TCF4: variants seen among roughly 807,000 people sequenced by gnomAD.
The protein encoded by TCF4 is SL3-3 enhancer factor 2.
Under a neutral mutation model 82.1 loss-of-function variants are expected in TCF4, and 3 were observed. The ratio of observed to expected loss-of-function variants is 0.04; its 90% CI spans 0.02 to 0.09. TCF4 has a LOEUF of 0.09. Among genes scored for constraint, TCF4 ranks in the 10% least tolerant of loss-of-function variants. TCF4 has a pLI of 1.00. For synonymous variants in TCF4, 276 were observed against 309.6 expected (o/e 0.89, Z 1.14); for missense variants, 518 against 852.7 (o/e 0.61, Z 4.89).
At chr18:55,312,027 AAG>A in intron 8 of TCF4, among the ~76,000 whole-genome samples, 1 of 152,314 alleles carries the variant, frequency 6.6e-6, no homozygotes. Flanking sequence ...GGACTGGCCA[AAG>A]AGTTTAATCT....
At chr18:55,234,862 C>CAA (rs992872879) in intron 15 of TCF4, among the ~76,000 whole-genome samples, 179 bp from the exon 16 acceptor site, 3 of 152,198 alleles carry the variant, frequency 2.0e-5, no homozygotes, top group African/African-American at 7.2e-5. Flanking sequence ...AAACACTTAA[C>CAA]ACTCAGTAAG....
At chr18:55,257,232 A>G (rs1438587999) in intron 14 of TCF4, 83 bp downstream of exon 14, 1 of 1,437,372 alleles carries the variant, frequency 7.0e-7, no homozygotes, top group Admixed American at 1.7e-5. Context: ...GGGAAAATCA[A>G]AATCTTGGAG....
At chr18:55,505,782 C>A (rs1243740531) in intron 3 of TCF4, among the ~76,000 whole-genome samples, 2 of 129,276 alleles carry the variant, frequency 1.5e-5, no homozygotes, top group Admixed American at 9.0e-5. Context: ...CCAGCCTGGG[C>A]CACAGAGCGA....
rs3838896 is a variant in TCF4, at chr18:55,369,913, T to TTGTG, written c.370-18914_370-18911dup. On this transcript the variant is annotated intron_variant, in intron 6 of 19. Coordinates refer to ENST00000354452, the MANE Select transcript of TCF4 (RefSeq NM_001083962.2). ...TAAAAAGTGAACATCAGAGTTTTAT[T>TTGTG]TGTGTGTGTGTGTGTGTGTGTGTTT... Among the ~76,000 whole-genome samples the TTGTG allele has an allele frequency of 6.8e-3, 1,025 of 150,820 alleles. 8 individuals carry two copies. The highest frequency in any genetic ancestry group is 0.021 in the African/African-American group (880 of 41,162).
chr18:55,420,637 G>A (rs1403915647), intron 5 of TCF4, among the ~76,000 whole-genome samples: 2 of 152,142 alleles, frequency 1.3e-5, no homozygotes, highest in African/African-American at 4.8e-5. Flanking sequence ...TTGGTGGGAG[G>A]AGAAAACTAA....
At chr18:55,443,041 G>C (rs1338926480) in intron 5 of TCF4, among the ~76,000 whole-genome samples, 1 of 152,248 alleles carries the variant, frequency 6.6e-6, no homozygotes, top group African/African-American at 2.4e-5. Flanking sequence ...TAGCTGCAAA[G>C]TGTGCTGATG....
intron 3 of TCF4, among the ~76,000 whole-genome samples, chr18:55,524,135 C>T (rs770149355): frequency 1.4e-4 from 22 of 151,874 alleles, no homozygotes; most frequent in Non-Finnish European, 2.8e-4. Context: ...TTCCTGATAT[C>T]GGATTGAGTA....
chr18:55,294,698 A>G (rs2066043589), intron 8 of TCF4, among the ~76,000 whole-genome samples: 1 of 152,226 alleles, frequency 6.6e-6, no homozygotes, highest in African/African-American at 2.4e-5. Flanking sequence ...GAATTTCTCA[A>G]GAAACTCATC....
intron 5 of TCF4, among the ~76,000 whole-genome samples, chr18:55,448,490 A>G (rs919857826): frequency 2.6e-5 from 4 of 152,246 alleles, no homozygotes; most frequent in Admixed American, 2.6e-4. Flanking sequence ...TAAATGGCCT[A>G]GCAAATGCAA....
chr18:55,333,145 T>C (rs963244528), intron 8 of TCF4, among the ~76,000 whole-genome samples: 6 of 152,312 alleles, frequency 3.9e-5, no homozygotes, highest in African/African-American at 1.4e-4. Context: ...CTTTTTTTCT[T>C]AAGGTTTCCT....
intron 8 of TCF4, among the ~76,000 whole-genome samples, chr18:55,318,521 T>C (rs1602457740): frequency 6.6e-6 from 1 of 152,268 alleles, no homozygotes; most frequent in East Asian, 1.9e-4. Flanking sequence ...TCACAAAAAT[T>C]ATTTTATCAA....
chr18:55,534,435 A>T (rs988035412), intron 3 of TCF4, among the ~76,000 whole-genome samples: 1 of 152,236 alleles, frequency 6.6e-6, no homozygotes, highest in Non-Finnish European at 1.5e-5. Context: ...CACATAAGTG[A>T]GGGATGGTAG....
chr18:55,385,412 C>CT (rs1232567219), intron 6 of TCF4, among the ~76,000 whole-genome samples: 1 of 152,132 alleles, frequency 6.6e-6, no homozygotes, highest in African/African-American at 2.4e-5. Context: ...CATAAAATAA[C>CT]TTTTTTTGTT....
At chr18:55,524,031 C>T (rs536901940) in intron 3 of TCF4, among the ~76,000 whole-genome samples, 60 of 152,108 alleles carry the variant, frequency 3.9e-4, no homozygotes, top group Non-Finnish European at 6.9e-4. Flanking sequence ...TCAATCTTTC[C>T]AACATGCAGA....
chr18:55,318,059 C>T (rs186806253), intron 8 of TCF4, among the ~76,000 whole-genome samples: 59 of 152,200 alleles, frequency 3.9e-4, no homozygotes, highest in African/African-American at 1.3e-3. Context: ...TTTCTCTCTA[C>T]GGTTTAACAC....
At chr18:55,615,204 T>C (rs1233374178) in intron 2 of TCF4, among the ~76,000 whole-genome samples, 2 of 152,160 alleles carry the variant, frequency 1.3e-5, no homozygotes, top group South Asian at 2.1e-4. Flanking sequence ...CTTTGATGAA[T>C]GAACAGGCTA....
At chr18:55,453,375 A>G (rs2095664963) in intron 5 of TCF4, among the ~76,000 whole-genome samples, 1 of 152,234 alleles carries the variant, frequency 6.6e-6, no homozygotes, top group Non-Finnish European at 1.5e-5. Flanking sequence ...TTCTTAAGCC[A>G]TCATTAGTCA....
At chr18:55,522,488 T>C (rs1332867760) in intron 3 of TCF4, among the ~76,000 whole-genome samples, 1 of 152,154 alleles carries the variant, frequency 6.6e-6, no homozygotes, top group Admixed American at 6.5e-5. Flanking sequence ...ATAGAATATT[T>C]CTATAAAATA....
At chr18:55,538,020 G>A (rs901262624) in intron 3 of TCF4, among the ~76,000 whole-genome samples, 3 of 99,224 alleles carry the variant, frequency 3.0e-5, no homozygotes, top group Non-Finnish European at 4.5e-5. Flanking sequence ...GCTAGTCTGC[G>A]CGCGCGCACA....
Sources: allele counts gnomAD v4.1 joint callset (sites outside exome capture counted in the v4.1 genomes callset), GRCh38; gene constraint gnomAD v4.1.1; transcripts MANE v1.5; gene names NCBI Gene and HGNC (gene_info 2026-07-23, HGNC 2026-07-21).